SHQ1: variants seen among roughly 807,000 people sequenced by gnomAD.
SHQ1 encodes the protein SHQ1, H/ACA ribonucleoprotein assembly factor.
In SHQ1, 49 loss-of-function variants were observed where a neutral mutation model predicts 53.8. That is an observed-to-expected ratio of 0.91 (90% CI 0.72 to 1.16). The LOEUF is 1.16. Among genes scored for constraint, SHQ1 ranks in the 50% most tolerant of loss-of-function variants. SHQ1 has a pLI of 0.00. For synonymous variants in SHQ1, 243 were observed against 251.0 expected (o/e 0.97, Z 0.30); for missense variants, 738 against 683.1 (o/e 1.08, Z -0.90).
At chr3:72,761,946 C>T (rs1705619014) in intron 10 of SHQ1, among the ~76,000 whole-genome samples, 1 of 152,104 alleles carries the variant, frequency 6.6e-6, no homozygotes, top group South Asian at 2.1e-4. Context: ...TTAAAAAGTC[C>T]TCCATCAGAA....
Position 72,751,501 on chromosome 3 carries a change from TGTGTGTG to T in SHQ1, c.1182-672_1182-666del, listed in dbSNP as rs1705371915. Among the ~76,000 whole-genome samples the T allele has an allele frequency of 5.5e-5, 7 of 127,284 alleles. No homozygotes were observed. The South Asian group carries it at 1.6e-3, about 29-fold the overall frequency. The allele number at this position is 127,284 out of a possible 152,430, so 83.5% of individuals were successfully genotyped here. On this transcript the variant is annotated intron_variant, in intron 10 of 10. Coordinates refer to ENST00000325599, the MANE Select transcript of SHQ1 (RefSeq NM_018130.3). ...ATGTGTGTGTGTGTGTGTGTGTGTG[TGTGTGTG>T]TATATATATATATATATATATACAT...
the SHQ1 span, among the ~76,000 whole-genome samples, chr3:72,741,416 T>C: frequency 6.6e-6 from 1 of 151,978 alleles, no homozygotes; most frequent in African/African-American, 2.4e-5. Context: ...CAAAACCCCA[T>C]CTCGACTAAA....
intron 10 of SHQ1, among the ~76,000 whole-genome samples, chr3:72,789,313 T>G (rs931965330): frequency 6.6e-6 from 1 of 152,216 alleles, no homozygotes; most frequent in African/African-American, 2.4e-5. Context: ...AGGACTTTTT[T>G]GCTTATCTGT....
intron 10 of SHQ1, among the ~76,000 whole-genome samples, chr3:72,764,900 T>C (rs1308975960): frequency 6.6e-6 from 1 of 152,174 alleles, no homozygotes; most frequent in Non-Finnish European, 1.5e-5. Context: ...TGGTGGGAGG[T>C]TCCCCCTGTT....
chr3:72,750,970 T>C, intron 10 of SHQ1, 134 bp from the exon 11 acceptor site: 1 of 619,624 alleles, frequency 1.6e-6, no homozygotes, highest in Non-Finnish European at 2.6e-6. Flanking sequence ...TCATAACAGA[T>C]CCAAGATATT....
intron 5 of SHQ1, among the ~76,000 whole-genome samples, chr3:72,829,737 A>G (rs1433794416): frequency 6.6e-6 from 1 of 152,246 alleles, no homozygotes; most frequent in Non-Finnish European, 1.5e-5. Context: ...ATGGTACAAC[A>G]AATGGTATAA....
At chr3:72,821,476 T>C (rs999584518) in intron 6 of SHQ1, among the ~76,000 whole-genome samples, 2 of 152,136 alleles carry the variant, frequency 1.3e-5, no homozygotes, top group Non-Finnish European at 2.9e-5. Flanking sequence ...GTCTCCCTGT[T>C]GTAACTCAGG....
At chr3:72,786,259 C>G (rs1706227844) in intron 10 of SHQ1, among the ~76,000 whole-genome samples, 2 of 152,200 alleles carry the variant, frequency 1.3e-5, no homozygotes, top group South Asian at 4.1e-4. Flanking sequence ...CTCTGCCCCA[C>G]CACAATTCAT....
downstream of SHQ1, among the ~76,000 whole-genome samples, chr3:72,748,605 C>A (rs994324639): frequency 6.6e-6 from 1 of 152,054 alleles, no homozygotes; most frequent in African/African-American, 2.4e-5. Context: ...GCATGAGAAT[C>A]GCTTCAGCCT....
intron 10 of SHQ1, among the ~76,000 whole-genome samples, chr3:72,764,183 C>A (rs141396957): frequency 0.011 from 1,698 of 152,162 alleles, 28 homozygotes; most frequent in African/African-American, 0.039. Flanking sequence ...CTACCCAGTG[C>A]CCACATACCA....
chr3:72,765,044 C>CTT (rs1237132939), intron 10 of SHQ1, among the ~76,000 whole-genome samples: 1 of 152,190 alleles, frequency 6.6e-6, no homozygotes, highest in East Asian at 1.9e-4. Flanking sequence ...CCAATCTTGG[C>CTT]TTTAAGTAAA....
chr3:72,820,480 A>G (rs186544572), intron 6 of SHQ1, among the ~76,000 whole-genome samples: 124 of 152,320 alleles, frequency 8.1e-4, no homozygotes, highest in African/African-American at 2.9e-3. Flanking sequence ...CAATAACAAC[A>G]AACCAGGAAA....
At chr3:72,735,694 GC>G in the SHQ1 span, among the ~76,000 whole-genome samples, 1 of 145,720 alleles carries the variant, frequency 6.9e-6, no homozygotes, top group South Asian at 2.2e-4. Context: ...GCCCAATTCA[GC>G]TAAAGAGAGA....
At chr3:72,814,951 T>TA (rs537960390) in intron 8 of SHQ1, among the ~76,000 whole-genome samples, 3 of 152,150 alleles carry the variant, frequency 2.0e-5, no homozygotes, top group Non-Finnish European at 4.4e-5. Flanking sequence ...CACATATATA[T>TA]AAAAAATCAT....
Position 72,832,451 on chromosome 3 carries a change from C to T in SHQ1, c.517G>A (p.Asp173Asn). The T allele has an allele frequency of 1.2e-6, 2 of 1,612,688 alleles. No homozygotes were observed. The highest frequency in any genetic ancestry group is 1.7e-6 in the Non-Finnish European group (2 of 1,179,792). The change falls in exon 5 of 11, where the codon GAT becomes AAT. Residue 173 changes from aspartate (D) to asparagine (N), a missense_variant. Coordinates refer to ENST00000325599, the MANE Select transcript of SHQ1 (RefSeq NM_018130.3). ...DELSDVIDIKDPDFTPAAERR... is the reference protein window; with the variant it reads ...DELSDVIDIKNPDFTPAAERR... Reference sequence around the variant, plus strand: ...TCAGCTGCAGGGGTGAAATCTGGATCCTTAATATCAATAACATCACTCAGT... The same window carrying T: ...TCAGCTGCAGGGGTGAAATCTGGATTCTTAATATCAATAACATCACTCAGT...
chr3:72,764,809 A>T (rs1280516974), intron 10 of SHQ1, among the ~76,000 whole-genome samples: 1 of 152,208 alleles, frequency 6.6e-6, no homozygotes, highest in Non-Finnish European at 1.5e-5. Context: ...GACTATGTTG[A>T]AGTCATCATT....
chr3:72,768,705 GT>G (rs1263148557), intron 10 of SHQ1, among the ~76,000 whole-genome samples: 1 of 152,224 alleles, frequency 6.6e-6, no homozygotes, highest in African/African-American at 2.4e-5. Flanking sequence ...ATGGCCAGCA[GT>G]TTTTTCCTCG....
chr3:72,783,842 T>A (rs1706144566), intron 10 of SHQ1, among the ~76,000 whole-genome samples: 1 of 152,120 alleles, frequency 6.6e-6, no homozygotes, highest in Non-Finnish European at 1.5e-5. Context: ...GCATTTAAGC[T>A]CTTGAATAAC....
chr3:72,786,098 T>C (rs1194652253), intron 10 of SHQ1, among the ~76,000 whole-genome samples: 1 of 152,150 alleles, frequency 6.6e-6, no homozygotes. Flanking sequence ...CTTCTCTCTC[T>C]CCCAGCAGCA....
Sources: gnomAD v4.1 joint callset for allele counts (sites outside exome capture counted in the v4.1 genomes callset) on GRCh38, gnomAD v4.1.1 for gene constraint, MANE v1.5 for transcripts, NCBI Gene and HGNC (gene_info 2026-07-23, HGNC 2026-07-21) for gene names.